The following BRWD1 variants were observed in gnomAD, a reference collection of about 807,000 sequenced individuals.
BRWD1 encodes the protein bromodomain and WD repeat domain containing 1.
A neutral mutation model predicts 251.2 loss-of-function variants in BRWD1; 82 were observed. The ratio of observed to expected loss-of-function variants is 0.33; its 90% CI spans 0.27 to 0.39. The LOEUF is 0.39. BRWD1 is among the 10% of genes least tolerant of loss of function. The pLI is 1.00. For missense variants in BRWD1, 2,233 were observed against 2,711.6 expected, an observed-to-expected ratio of 0.82 and a Z score of 3.92; for synonymous variants, 918 against 902.8, an observed-to-expected ratio of 1.02 and a Z score of -0.30.
intron 36 of BRWD1, among the ~76,000 whole-genome samples, chr21:39,208,743 A>C (rs2032527696): frequency 6.6e-6 from 1 of 152,020 alleles, no homozygotes; most frequent in Admixed American, 6.6e-5. Context: ...TAATTTTTTT[A>C]TCTCTAGTAG....
chr21:39,316,270 C>A (rs1189460391), upstream of BRWD1, among the ~76,000 whole-genome samples: 1 of 152,048 alleles, frequency 6.6e-6, no homozygotes. Flanking sequence ...AAATAAAAAC[C>A]ACAAAAATCT....
chr21:39,213,762 G>A (rs369727868), intron 32 of BRWD1, among the ~76,000 whole-genome samples: 20 of 151,872 alleles, frequency 1.3e-4, no homozygotes, highest in South Asian at 6.2e-4. Context: ...CTTGTTTTCC[G>A]TTAAGTATGT....
At chr21:39,282,446 A>C (rs1440715576) in intron 8 of BRWD1, among the ~76,000 whole-genome samples, 1 of 152,200 alleles carries the variant, frequency 6.6e-6, no homozygotes, top group Non-Finnish European at 1.5e-5. Context: ...ATCTCATTAA[A>C]AGTAATGAGA....
downstream of BRWD1, chr21:39,185,310 A>AT (rs1189642407): frequency 1.3e-5 from 2 of 150,564 alleles, no homozygotes; most frequent in African/African-American, 4.9e-5. Flanking sequence ...AAAAAAAAAA[A>AT]AAAAAAAAAA....
In BRWD1 at chr21:39,210,928, A is replaced by T. The variant is rs546627935; in HGVS notation, c.3902T>A (p.Val1301Asp). The change falls in exon 35 of 41, where the codon GTC becomes GAC. Residue 1301 changes from valine (V) to aspartate (D), a missense_variant and splice_region_variant. Around this residue, in one of 12 missense-constraint regions of BRWD1, gnomAD observed 167 missense variants for 183.2 expected, o/e 0.91. Coordinates refer to ENST00000342449, the MANE Select transcript of BRWD1 (RefSeq NM_033656.4). ...LPKTSSGRRR[V>D]HDGKKSIRAT... ...TCTGATGCTTTTTTTCCCATCATGGACCTAAAAATACATTCACAGTCTTAA... is the reference window on the plus strand; with the variant it reads ...TCTGATGCTTTTTTTCCCATCATGGTCCTAAAAATACATTCACAGTCTTAA... 5.0e-5 allele frequency: 81 copies of T among 1,609,396 alleles called. No homozygotes were observed. The highest frequency in any genetic ancestry group is 1.7e-4 in the Middle Eastern group (1 of 6,056).
intron 15 of BRWD1, among the ~76,000 whole-genome samples, chr21:39,269,263 TAAG>T (rs2035027958): frequency 6.6e-6 from 1 of 151,256 alleles, no homozygotes; most frequent in African/African-American, 2.4e-5. Flanking sequence ...TTTTTTTTTT[TAAG>T]AATACACCTG....
intron 21 of BRWD1, among the ~76,000 whole-genome samples, chr21:39,241,369 G>A (rs1388611190): frequency 1.3e-5 from 2 of 150,214 alleles, no homozygotes; most frequent in Non-Finnish European, 1.5e-5. Context: ...TTGGGAGGCT[G>A]AGGCAGGAGA....
At chr21:39,219,158 C>T (rs561205046) in intron 29 of BRWD1, among the ~76,000 whole-genome samples, 2 of 152,194 alleles carry the variant, frequency 1.3e-5, no homozygotes, top group African/African-American at 2.4e-5. Context: ...GGGTGGCTGA[C>T]GCCTGTAATC....
intron 5 of BRWD1, chr21:39,296,933 A>G (rs2035976885): frequency 2.0e-6 from 2 of 984,924 alleles, no homozygotes; most frequent in Non-Finnish European, 2.4e-6. Context: ...GTTCAGTTTT[A>G]AAATTAATTT....
Position 39,187,614 on chromosome 21 carries a change from A to T in BRWD1, c.*8645T>A. 2 of 985,316 alleles carry T rather than the reference A, an allele frequency of 2.0e-6. No individual in the cohort carries two copies. The highest frequency in any genetic ancestry group is 2.4e-6 in the Non-Finnish European group (2 of 829,810). 61.0% of individuals were successfully genotyped at this position (985,316 alleles called of 1,614,324 possible). On this transcript the variant is annotated 3_prime_UTR_variant, in exon 41 of 41. Transcript: ENST00000342449. ...TTACATTTGCTTATCTACAACTATAAGGATGTCACTTAAAACAGTAGCAGA... is the reference window on the plus strand; with the variant it reads ...TTACATTTGCTTATCTACAACTATATGGATGTCACTTAAAACAGTAGCAGA...
chr21:39,247,945 G>C lies in BRWD1; in HGVS notation c.2350-113C>G, dbSNP rs539094784. On this transcript the variant is annotated intron_variant, in intron 20 of 40. Transcript: ENST00000342449. ...GGATTTAAAGCAAAAAGAAAAAAAG[G>C]CTTAAAAAGAAGGTAGCATTTTTGC... 66 of 1,243,438 alleles carry C rather than the reference G, an allele frequency of 5.3e-5. No individual in the cohort carries two copies. In the East Asian group the frequency reaches 1.8e-3, roughly 34 times the overall value. 77.0% of individuals were successfully genotyped at this position (1,243,438 alleles called of 1,614,324 possible).
chr21:39,314,488 C>T (rs2036652634), upstream of BRWD1: 2 of 368,312 alleles, frequency 5.4e-6, no homozygotes, highest in African/African-American at 2.1e-5. Flanking sequence ...GAAGAGAAGC[C>T]GGAAACTAGG....
chr21:39,320,525 G>C (rs545997028), intron 1 of BRWD1, among the ~76,000 whole-genome samples: 3 of 152,056 alleles, frequency 2.0e-5, no homozygotes, highest in African/African-American at 7.2e-5. Context: ...TCTACAGACG[G>C]GGATTCACCA....
chr21:39,189,663 AAGAC>A lies in BRWD1; in HGVS notation c.*6592_*6595del. Reference sequence around the variant, plus strand: ...GAATAAGGATAAAAACAATCTGAGGAAGACAAAACTGTGGAGAATTTTTTTAAAT... The same window carrying A: ...GAATAAGGATAAAAACAATCTGAGGAAAAACTGTGGAGAATTTTTTTAAAT... On this transcript the variant is annotated 3_prime_UTR_variant, in exon 41 of 41. Transcript: ENST00000342449. The A allele has an allele frequency of 1.0e-6, 1 of 981,766 alleles. No homozygotes were observed. The highest frequency in any genetic ancestry group is 1.2e-6 in the Non-Finnish European group (1 of 826,604). The allele number at this position is 981,766 out of a possible 1,614,324, so 60.8% of individuals were successfully genotyped here.
Position 39,224,436 on chromosome 21 carries a change from T to C in BRWD1, c.3354A>G (p.Pro1118=). The C allele has an allele frequency of 1.2e-6, 2 of 1,600,234 alleles. No homozygotes were observed. The highest frequency in any genetic ancestry group is 1.7e-6 in the Non-Finnish European group (2 of 1,171,832). Residue 1118 remains proline (P), a synonymous_variant, in exon 29 of 41, where the codon CCA becomes CCG. Coordinates refer to ENST00000342449, the MANE Select transcript of BRWD1 (RefSeq NM_033656.4). ...WDNTEIEKLS[P]WDMEPIPDNV... is the part of the protein sequence containing the mutation. ...TATCAGGAATTGGTTCCATGTCCCA[T>C]GGGCTAAGTTTTTCAATTTCAGTAT...
rs2034873230 is a variant in BRWD1 at position 39,264,951 on chromosome 21, A to G, written c.1599T>C (p.Cys533=). 6.2e-7 allele frequency: 1 copy of G among 1,613,992 alleles called. No individual in the cohort carries two copies. The highest frequency in any genetic ancestry group is 8.5e-7 in the Non-Finnish European group (1 of 1,179,892). The change falls in exon 16 of 41, where the codon TGT becomes TGC. Residue 533 remains cysteine, a synonymous_variant. Transcript: ENST00000342449. The part of the protein sequence containing the change: ...KFSQDGQHFA[C]TDSHGHLLIF... ...TCAGAAGGTGCCCATGAGAATCTGT[A>G]CAGGCAAAATGCTGTCCATCCTGTG...
chr21:39,189,453 C>T lies in BRWD1; in HGVS notation c.*6806G>A. Reference sequence around the variant, plus strand: ...TTTTAATAAATGTTTATTTGTCATCCAGAATAATGGAAAAGTTAAGATTCT... The same window carrying T: ...TTTTAATAAATGTTTATTTGTCATCTAGAATAATGGAAAAGTTAAGATTCT... On this transcript the variant is annotated 3_prime_UTR_variant, in exon 41 of 41. Coordinates refer to ENST00000342449, the MANE Select transcript of BRWD1 (RefSeq NM_033656.4). The T allele has an allele frequency of 2.1e-6, 2 of 972,224 alleles. No homozygotes were observed. The highest frequency in any genetic ancestry group is 2.4e-6 in the Non-Finnish European group (2 of 818,378). The allele number at this position is 972,224 out of a possible 1,614,324, so 60.2% of individuals were successfully genotyped here.
intron 28 of BRWD1, 116 bp from the exon 29 acceptor site, chr21:39,224,585 T>G: frequency 1.6e-6 from 1 of 628,620 alleles, no homozygotes; most frequent in African/African-American, 1.9e-5. Flanking sequence ...CAGTACAATT[T>G]TAAATATTAA....
chr21:39,278,645 T>C, intron 10 of BRWD1, 98 bp downstream of exon 10: 1 of 831,312 alleles, frequency 1.2e-6, no homozygotes, highest in Non-Finnish European at 1.8e-6. Flanking sequence ...CCAGAAGTCA[T>C]TTACCATGTA....
Sources: gnomAD v4.1 joint callset for allele counts (sites outside exome capture counted in the v4.1 genomes callset) on GRCh38, gnomAD v4.1.1 for gene constraint, gnomAD v4.1.1 regional missense constraint, MANE v1.5 for transcripts, NCBI Gene and HGNC (gene_info 2026-07-23, HGNC 2026-07-21) for gene names.